The following CHD1L variants were observed in gnomAD, a reference collection of about 807,000 sequenced individuals.
CHD1L encodes the protein chromodomain helicase DNA binding protein 1 like, also known as ATP-dependent chromatin remodeler CHD1L.
CHD1L carries 118 observed loss-of-function variants against 115.9 expected under a neutral mutation model. The observed-to-expected ratio is 1.02, with a 90% CI of 0.88 to 1.19. CHD1L has a LOEUF of 1.19. Ranked by LOEUF, CHD1L falls within the 50% of genes most tolerant of loss-of-function variation. The pLI is 0.00. For missense variants in CHD1L, 1,179 were observed against 1,065.3 expected, an observed-to-expected ratio of 1.11 and a Z score of -1.49; for synonymous variants, 411 against 387.1, an observed-to-expected ratio of 1.06 and a Z score of -0.72.
the CHD1L span, chr1:147,201,395 A>G: frequency 1.2e-6 from 2 of 1,613,914 alleles, no homozygotes; most frequent in Non-Finnish European, 1.7e-6. Context: ...CCATCCTCAA[A>G]TATGGCAGCT....
intron 12 of CHD1L, among the ~76,000 whole-genome samples, chr1:147,273,486 A>G (rs1677072532): frequency 6.6e-6 from 1 of 152,172 alleles, no homozygotes; most frequent in Admixed American, 6.5e-5. Flanking sequence ...TAATAACATA[A>G]GATTCATTTG....
chr1:147,226,274 T>C, the CHD1L span, among the ~76,000 whole-genome samples: 1 of 151,406 alleles, frequency 6.6e-6, no homozygotes, highest in South Asian at 2.1e-4. Context: ...CTCCTCACAA[T>C]CTGGATCTAA....
At chr1:147,226,606 A>G in the CHD1L span, among the ~76,000 whole-genome samples, 1 of 152,190 alleles carries the variant, frequency 6.6e-6, no homozygotes, top group African/African-American at 2.4e-5. Flanking sequence ...CAAGGGTTCT[A>G]TTTGACAGAT....
rs782817356 is a variant in CHD1L, at chr1:147,287,689, C to T, written c.2276C>T (p.Ser759Phe). The T allele has an allele frequency of 3.7e-6, 6 of 1,613,998 alleles. No individual in the cohort carries two copies. The highest frequency in any genetic ancestry group is 1.7e-5 in the Admixed American group (1 of 60,004). Residue 759 changes from serine (S) to phenylalanine (F), a missense_variant, in exon 19 of 23, where the codon TCC (serine) becomes TTC (phenylalanine). Physicochemically the swap from Ser to Phe is radical, Grantham distance 155 (BLOSUM62 -2). Coordinates refer to ENST00000369258, the MANE Select transcript of CHD1L (RefSeq NM_004284.6). Reference sequence around the variant, plus strand: ...TTATTTACAGCTCTGGAAAAGCGATCCGCTGAGCCAAGAAAAATATATGAG... The same window carrying T: ...TTATTTACAGCTCTGGAAAAGCGATTCGCTGAGCCAAGAAAAATATATGAG... ...GGLFTALEKR[S>F]AEPRKIYELA...
At chr1:147,260,889 C>A (rs1376345372) in intron 6 of CHD1L, 3 of 152,152 alleles carry the variant, frequency 2.0e-5, no homozygotes, top group African/African-American at 7.2e-5. Context: ...ATGTGAAATA[C>A]CCTTTTTATT....
At chr1:147,179,484 G>A in the CHD1L span, 1 of 1,576,194 alleles carries the variant, frequency 6.3e-7, no homozygotes, top group South Asian at 1.1e-5. Context: ...CTTCTCTCCA[G>A]CCAACAAGAA....
chr1:147,232,655 C>T, the CHD1L span, among the ~76,000 whole-genome samples: 4 of 152,296 alleles, frequency 2.6e-5, no homozygotes, highest in South Asian at 6.2e-4. Context: ...CGCGCCGCCA[C>T]GCCTGACTGG....
At chr1:147,173,066 G>A in the CHD1L span, 1 of 152,782 alleles carries the variant, frequency 6.5e-6, no homozygotes, top group East Asian at 1.9e-4. Context: ...ACTTTGGGAG[G>A]CTGAGGCGAG....
chr1:147,263,581 T>A (rs1159957491), intron 6 of CHD1L, among the ~76,000 whole-genome samples: 3 of 152,142 alleles, frequency 2.0e-5, no homozygotes, highest in African/African-American at 7.2e-5. Flanking sequence ...TTCCTGACCT[T>A]CTACTTCATG....
the CHD1L span, among the ~76,000 whole-genome samples, chr1:147,182,199 A>G: frequency 1.3e-5 from 2 of 152,222 alleles, no homozygotes; most frequent in African/African-American, 2.4e-5. Flanking sequence ...TAGTCTCCCT[A>G]GTAGCTAGAT....
At chr1:147,241,968 C>T (rs1664944989), upstream of CHD1L, among the ~76,000 whole-genome samples, 1 of 151,916 alleles carries the variant, frequency 6.6e-6, no homozygotes, top group South Asian at 2.1e-4. Flanking sequence ...TACTTAAAGC[C>T]CTTAGGACAC....
At chr1:147,199,112 G>C in the CHD1L span, among the ~76,000 whole-genome samples, 12 of 152,076 alleles carry the variant, frequency 7.9e-5, no homozygotes, top group African/African-American at 2.9e-4. Context: ...CAGTGTTCTA[G>C]AAAAGAGTAG....
chr1:147,285,593 G>A (rs1186763837), intron 17 of CHD1L, 106 bp downstream of exon 17: 12 of 1,293,394 alleles, frequency 9.3e-6, no homozygotes, highest in Non-Finnish European at 1.3e-5. Context: ...TTCATTTTAA[G>A]TTGGTTCCTA....
the CHD1L span, chr1:147,203,913 G>A: frequency 4.5e-5 from 70 of 1,542,942 alleles, no homozygotes; most frequent in Non-Finnish European, 6.3e-5. Flanking sequence ...ATTTCTTCAA[G>A]GACAGGAGGT....
At chr1:147,175,585 C>A in the CHD1L span, 1 of 152,052 alleles carries the variant, frequency 6.6e-6, no homozygotes, top group Non-Finnish European at 1.5e-5. Flanking sequence ...CACTGTCTCT[C>A]CCCTGTGCCA....
chr1:147,213,269 G>A, the CHD1L span: 1 of 1,540,922 alleles, frequency 6.5e-7, no homozygotes, highest in East Asian at 2.3e-5. Flanking sequence ...CAGGTCACAG[G>A]CATGGGTCAA....
chr1:147,288,335 A>AAAAAAG lies in CHD1L; in HGVS notation c.2320+607_2320+608insGAAAAA, dbSNP rs1205339890. On this transcript the variant is annotated intron_variant, in intron 19 of 22. Coordinates refer to ENST00000369258, the MANE Select transcript of CHD1L (RefSeq NM_004284.6). ...GAGACCCTGTTTCAATAAAAAAAAA[A>AAAAAAG]AAAAAAAAAAAGAAAAAGAGAACTA... 8.4e-3 allele frequency among the ~76,000 whole-genome samples: 11 copies of AAAAAAG among 1,314 alleles called. No homozygotes were observed. The South Asian group carries it at 0.14, about 16-fold the overall frequency. 0.9% of individuals were successfully genotyped at this position (1,314 alleles called of 152,430 possible).
chr1:147,195,189 T>G, the CHD1L span, among the ~76,000 whole-genome samples: 1 of 152,310 alleles, frequency 6.6e-6, no homozygotes, highest in East Asian at 1.9e-4. Context: ...CCATATTCCT[T>G]GGATGCTTTG....
the CHD1L span, among the ~76,000 whole-genome samples, chr1:147,237,433 G>C: frequency 6.6e-6 from 1 of 152,050 alleles, no homozygotes; most frequent in Non-Finnish European, 1.5e-5. Flanking sequence ...TGCCTGAGAG[G>C]GTAGGGCTCC....
Sources: gnomAD v4.1 joint callset for allele counts (sites outside exome capture counted in the v4.1 genomes callset) on GRCh38, gnomAD v4.1.1 for gene constraint, MANE v1.5 for transcripts, NCBI Gene and HGNC (gene_info 2026-07-23, HGNC 2026-07-21) for gene names.